The following CMC4 variants were observed in gnomAD, a reference collection of about 807,000 sequenced individuals.
The protein encoded by CMC4 is cx9C motif-containing protein 4.
A neutral mutation model predicts 5.1 loss-of-function variants in CMC4; 4 were observed. That is an observed-to-expected ratio of 0.78 (90% CI 0.38 to 1.78). The LOEUF is 1.78. Ranked by LOEUF, CMC4 falls within the 40% of genes most tolerant of loss-of-function variation. The pLI, the probability that CMC4 is intolerant of heterozygous loss-of-function variation, is 0.04. For missense variants in CMC4, 52 were observed against 51.3 expected, an observed-to-expected ratio of 1.01 and a Z score of -0.04; for synonymous variants, 23 against 18.9, an observed-to-expected ratio of 1.22 and a Z score of -0.57.
chrX:155,063,662 AAAAC>A (rs1317260898), intron 2 of CMC4, among the ~76,000 whole-genome samples: 7 of 112,023 alleles, frequency 6.2e-5, no homozygotes, highest in East Asian at 5.6e-4. Flanking sequence ...CCTTTTAGTA[AAAAC>A]AAACAACAAC....
chrX:155,064,112 A>G, intron 1 of CMC4, 79 bp from the exon 2 acceptor site: 1 of 779,342 alleles, frequency 1.3e-6, no homozygotes, highest in African/African-American at 2.1e-5. Flanking sequence ...TTTTCTTCTG[A>G]GACAAGCAGT....
At chrX:155,064,088 C>T (rs931730944) in intron 1 of CMC4, 55 bp from the exon 2 acceptor site, 25 of 989,537 alleles carry the variant, frequency 2.5e-5, no homozygotes, top group South Asian at 4.7e-5. Flanking sequence ...ACTTTAAAGC[C>T]CCTCTACGTG....
chrX:155,065,447 C>T, intron 1 of CMC4: 3 of 1,165,160 alleles, frequency 2.6e-6, no homozygotes, highest in Non-Finnish European at 3.5e-6. Flanking sequence ...AGAGCCAAAA[C>T]AAAGAGGGGG....
chrX:155,069,780 G>C (rs1489325720), intron 1 of CMC4, among the ~76,000 whole-genome samples: 7 of 112,140 alleles, frequency 6.2e-5, no homozygotes, highest in Non-Finnish European at 1.3e-4. Context: ...AGAAAAGTTA[G>C]TGAACCTCAT....
chrX:155,069,474 G>A (rs1432283446), intron 1 of CMC4, among the ~76,000 whole-genome samples: 4 of 111,933 alleles, frequency 3.6e-5, no homozygotes, highest in African/African-American at 1.3e-4. Context: ...TTTCCTATAT[G>A]TTTACATATA....
chrX:155,068,265 G>A (rs961560305), intron 1 of CMC4, among the ~76,000 whole-genome samples: 3 of 112,273 alleles, frequency 2.7e-5, no homozygotes, highest in Non-Finnish European at 5.6e-5. Context: ...TGGAATAGAG[G>A]GCAAAGAGTT....
At position 155,061,963 on chromosome X, in the gene CMC4, C is replaced by G; in HGVS notation, c.87G>C (p.Gln29His). 8.3e-7 allele frequency: 1 copy of G among 1,210,750 alleles called. No homozygotes were observed. The highest frequency in any genetic ancestry group is 1.1e-6 in the Non-Finnish European group (1 of 895,042). Residue 29 changes from glutamine to histidine, a missense_variant, in exon 3 of 3, where the codon CAG (glutamine) becomes CAC (histidine). Physicochemically the swap from Gln to His is conservative, Grantham distance 24. Transcript: ENST00000369484. ...QANSYMESKC[Q>H]AVIQELRKCC... ...ACTTACGCAGTTCTTGGATGACAGC[C>G]TGACACTTTGATTCCATGTAGCTGT...
At chrX:155,070,052 T>G (rs1439804925) in intron 1 of CMC4, among the ~76,000 whole-genome samples, 1 of 112,011 alleles carries the variant, frequency 8.9e-6, no homozygotes, top group Non-Finnish European at 1.9e-5. Flanking sequence ...ATGATCAAAT[T>G]AATTATAGAA....
At chrX:155,064,929 A>T (rs2073942958) in intron 1 of CMC4, 1 of 116,540 alleles carries the variant, frequency 8.6e-6, no homozygotes, top group Admixed American at 8.8e-5. Flanking sequence ...AAAACCTAGG[A>T]TATTTACAGG....
chrX:155,065,810 A>G, intron 1 of CMC4: 1 of 1,206,533 alleles, frequency 8.3e-7, no homozygotes, highest in African/African-American at 1.7e-5. Flanking sequence ...GGAATGATCA[A>G]AAATAAAACC....
At chrX:155,062,772 G>A (rs954953299) in intron 2 of CMC4, among the ~76,000 whole-genome samples, 3 of 111,422 alleles carry the variant, frequency 2.7e-5, no homozygotes, top group Non-Finnish European at 3.8e-5. Flanking sequence ...CGGGGTTGGC[G>A]GGGGGTGTTC....
intron 1 of CMC4, among the ~76,000 whole-genome samples, chrX:155,067,852 T>A (rs1162283127): frequency 2.7e-5 from 3 of 111,799 alleles, no homozygotes; most frequent in Non-Finnish European, 3.8e-5. Flanking sequence ...GCCACAGTGG[T>A]TGTCATGATT....
At chrX:155,063,926 CA>C (rs781893368) in intron 2 of CMC4, 39 bp downstream of exon 2, 1 of 1,068,854 alleles carries the variant, frequency 9.4e-7, no homozygotes, top group Non-Finnish European at 1.3e-6. Flanking sequence ...AGTTAGTTCA[CA>C]GTGGAAAAAT....
intron 1 of CMC4, chrX:155,066,168 T>A: frequency 2.3e-6 from 1 of 437,442 alleles, no homozygotes; most frequent in Admixed American, 4.1e-5. Flanking sequence ...AAACCTCATA[T>A]GTCTATTTGC....
Position 155,061,688 on chromosome X carries a change from G to T in CMC4, c.*155C>A. 1.8e-6 allele frequency: 1 copy of T among 540,858 alleles called. No homozygotes were observed. The highest frequency in any genetic ancestry group is 2.9e-6 in the Non-Finnish European group (1 of 347,203). 44.6% of individuals were successfully genotyped at this position (540,858 alleles called of 1,213,427 possible). On this transcript the variant is annotated 3_prime_UTR_variant, in exon 3 of 3. Coordinates refer to ENST00000369484, the MANE Select transcript of CMC4 (RefSeq NM_001018024.3). ...ACATTCTACATATTTGTCTTTTAAT[G>T]TGTTTATATTTCTGCCTGTTCTGCA...
intron 2 of CMC4, among the ~76,000 whole-genome samples, chrX:155,063,291 A>G (rs1268655835): frequency 3.6e-5 from 4 of 112,174 alleles, no homozygotes; most frequent in Admixed American, 1.9e-4. Context: ...TTTTTCCTTC[A>G]TACCTTTCTA....
chrX:155,062,872 ATAG>A (rs1346659126), intron 2 of CMC4, among the ~76,000 whole-genome samples: 22 of 111,700 alleles, frequency 2.0e-4, no homozygotes, highest in African/African-American at 7.2e-4. Flanking sequence ...AATGGGGGTC[ATAG>A]TAGCATCTAC....
Position 155,067,725 on chromosome X carries a change from C to A in CMC4, c.-11+2969G>T, listed in dbSNP as rs2073954109. 5.3e-5 allele frequency among the ~76,000 whole-genome samples: 6 copies of A among 112,512 alleles called. No homozygotes were observed. The Admixed American group carries it at 5.6e-4, about 11-fold the overall frequency. ...CTTCCCTAAAGCACAGTATTGTATT[C>A]TGCTCAATAGCAGGAATGATACAGT... On this transcript the variant is annotated intron_variant, in intron 1 of 2. Transcript: ENST00000369484.
intron 1 of CMC4, chrX:155,065,826 C>A (rs1045235652): frequency 9.2e-6 from 11 of 1,199,531 alleles, no homozygotes; most frequent in Non-Finnish European, 1.2e-5. Context: ...AAACCAAAGA[C>A]TTCAGAATAT....
Sources: gnomAD v4.1 joint callset for allele counts (sites outside exome capture counted in the v4.1 genomes callset) on GRCh38, gnomAD v4.1.1 for gene constraint, MANE v1.5 for transcripts, NCBI Gene and HGNC (gene_info 2026-07-23, HGNC 2026-07-21) for gene names.